Variants in MECOM observed in about 807,000 individuals in gnomAD.
MECOM encodes histone-lysine N-methyltransferase MECOM.
MECOM carries 13 observed loss-of-function variants against 116.3 expected under a neutral mutation model. The observed-to-expected ratio is 0.11, with a 90% CI of 0.07 to 0.18. The LOEUF is 0.18. Ranked by LOEUF, MECOM falls within the 10% of genes least tolerant of loss-of-function variation. The probability of loss-of-function intolerance (pLI) is 1.00; values close to 1 mark genes in which losing one functional copy is unlikely to be tolerated. For synonymous variants in MECOM, 528 were observed against 535.2 expected, an observed-to-expected ratio of 0.99 and a Z score of 0.19; for missense variants, 1,299 against 1,509.0, an observed-to-expected ratio of 0.86 and a Z score of 2.31.
intron 2 of MECOM, among the ~76,000 whole-genome samples, chr3:169,174,905 C>A (rs1275695902): frequency 6.6e-6 from 1 of 152,166 alleles, no homozygotes; most frequent in African/African-American, 2.4e-5. Flanking sequence ...GAAAAGCAGA[C>A]ATGAAGACAA....
At chr3:169,266,008 T>C (rs1036110831) in intron 2 of MECOM, among the ~76,000 whole-genome samples, 49 of 152,210 alleles carry the variant, frequency 3.2e-4, no homozygotes, top group African/African-American at 1.0e-3. Context: ...TTCTCTACTC[T>C]GAATCCTGTC....
chr3:169,294,372 T>A (rs1044006328), intron 2 of MECOM, among the ~76,000 whole-genome samples: 1 of 152,182 alleles, frequency 6.6e-6, no homozygotes, highest in African/African-American at 2.4e-5. Context: ...CAGGGGAAAG[T>A]TAGCCAAACA....
chr3:169,327,859 C>G (rs1722118569), intron 2 of MECOM, among the ~76,000 whole-genome samples: 1 of 152,114 alleles, frequency 6.6e-6, no homozygotes, highest in Non-Finnish European at 1.5e-5. Context: ...GAGACATATG[C>G]TGATCCTATA....
At chr3:169,437,509 G>T (rs550354890) in intron 1 of MECOM, among the ~76,000 whole-genome samples, 1 of 152,216 alleles carries the variant, frequency 6.6e-6, no homozygotes, top group South Asian at 2.1e-4. Context: ...ATTCACAAAA[G>T]CACCTTCTTT....
At chr3:169,573,935 T>C (rs1429544006) in intron 1 of MECOM, among the ~76,000 whole-genome samples, 1 of 152,204 alleles carries the variant, frequency 6.6e-6, no homozygotes, top group African/African-American at 2.4e-5. Flanking sequence ...ACTTTCATGA[T>C]GTGCATATGG....
Position 169,156,326 on chromosome 3 carries a change from C to T in MECOM, c.376-12494G>A, listed in dbSNP as rs117655934. Among the ~76,000 whole-genome samples, 68 of 152,294 alleles carry T rather than the reference C, an allele frequency of 4.5e-4. No individual in the cohort carries two copies. In the East Asian group the frequency reaches 0.013, roughly 28 times the overall value. ...ATTAAACTTATGTGAAAGCCTCTCT[C>T]CTCTTCCACTGGAACACCTAAGGAA... is the stretch of plus-strand genomic sequence containing the variant. On this transcript the variant is annotated intron_variant, in intron 2 of 16. Coordinates refer to ENST00000651503, the MANE Select transcript of MECOM (RefSeq NM_004991.4).
chr3:169,529,819 G>GA (rs1378329224), intron 1 of MECOM, among the ~76,000 whole-genome samples: 1 of 152,190 alleles, frequency 6.6e-6, no homozygotes, highest in African/African-American at 2.4e-5. Context: ...CTGGGACTGG[G>GA]CCTGCCTTCT....
intron 10 of MECOM, among the ~76,000 whole-genome samples, chr3:169,105,485 T>C (rs1025924607): frequency 6.6e-6 from 1 of 151,990 alleles, no homozygotes; most frequent in Non-Finnish European, 1.5e-5. Context: ...TCAAGATAAA[T>C]TGGAATAAAT....
intron 2 of MECOM, among the ~76,000 whole-genome samples, chr3:169,240,282 C>T (rs1017785439): frequency 6.6e-6 from 1 of 152,166 alleles, no homozygotes; most frequent in African/African-American, 2.4e-5. Flanking sequence ...ATCCCCTGAA[C>T]TCTGAGCTGT....
chr3:169,387,299 C>T (rs536009171), intron 1 of MECOM, among the ~76,000 whole-genome samples: 17 of 152,284 alleles, frequency 1.1e-4, no homozygotes, highest in South Asian at 4.1e-4. Flanking sequence ...CGCCTGTGAA[C>T]GGCAGGCTAG....
chr3:169,488,372 C>CAAAAAAAAAAAAAAAAA (rs758493062), intron 1 of MECOM, among the ~76,000 whole-genome samples: 1 of 62,394 alleles, frequency 1.6e-5, no homozygotes, highest in Non-Finnish European at 3.3e-5. Flanking sequence ...ACTAAAAATA[C>CAAAAAAAAAAAAAAAAA]AAAAAAAAAA....
At chr3:169,515,751 C>T (rs1242424356) in intron 1 of MECOM, among the ~76,000 whole-genome samples, 1 of 152,176 alleles carries the variant, frequency 6.6e-6, no homozygotes, top group Non-Finnish European at 1.5e-5. Flanking sequence ...TCTCATTCCA[C>T]CACATACTAC....
intron 2 of MECOM, among the ~76,000 whole-genome samples, chr3:169,177,447 A>G (rs1350153001): frequency 6.6e-6 from 1 of 152,112 alleles, no homozygotes; most frequent in Non-Finnish European, 1.5e-5. Context: ...GGAGGGGAAC[A>G]ATGCATACCA....
intron 3 of MECOM, among the ~76,000 whole-genome samples, chr3:169,136,509 G>A (rs1736420992): frequency 6.6e-6 from 1 of 151,856 alleles, no homozygotes; most frequent in Non-Finnish European, 1.5e-5. Context: ...AGTCCAAGAT[G>A]ACAGCAGTAA....
intron 16 of MECOM, among the ~76,000 whole-genome samples, chr3:169,085,627 T>C (rs549524969): frequency 1.9e-4 from 29 of 152,300 alleles, no homozygotes; most frequent in African/African-American, 6.7e-4. Context: ...ATGCTTGACA[T>C]ACTCAGTCCT....
chr3:169,093,367 C>T (rs1269218218), intron 13 of MECOM, among the ~76,000 whole-genome samples: 1 of 152,108 alleles, frequency 6.6e-6, no homozygotes, highest in Non-Finnish European at 1.5e-5. Context: ...CTTTTCCTTA[C>T]CTCTATTGTG....
chr3:169,136,968 G>C (rs953775520), intron 3 of MECOM, among the ~76,000 whole-genome samples: 5 of 152,090 alleles, frequency 3.3e-5, no homozygotes, highest in African/African-American at 1.2e-4. Flanking sequence ...GCAGGAAGTT[G>C]TAATAATTGA....
chr3:169,252,403 A>C (rs1627507), intron 2 of MECOM, among the ~76,000 whole-genome samples: 62,671 of 151,198 alleles, frequency 0.41, 13,329 homozygotes, highest in East Asian at 0.68. Context: ...AGGTTAGAAA[A>C]CGGAGATTTA....
At chr3:169,443,422 C>A (rs1426077838) in intron 1 of MECOM, among the ~76,000 whole-genome samples, 1 of 152,166 alleles carries the variant, frequency 6.6e-6, no homozygotes, top group East Asian at 1.9e-4. Flanking sequence ...CTATTGTGAC[C>A]TATGAAATAG....
Sources: allele counts gnomAD v4.1 joint callset (sites outside exome capture counted in the v4.1 genomes callset), GRCh38; gene constraint gnomAD v4.1.1; transcripts MANE v1.5; gene names NCBI Gene and HGNC (gene_info 2026-07-23, HGNC 2026-07-21).